Variants in C2orf42 observed in about 807,000 individuals in gnomAD.
C2orf42 encodes the protein chromosome 2 open reading frame 42.
C2orf42 carries 44 observed loss-of-function variants against 58.9 expected under a neutral mutation model. The observed-to-expected ratio is 0.75, with a 90% CI of 0.59 to 0.96. The LOEUF is 0.96. Among genes scored for constraint, C2orf42 ranks in the 40% least tolerant of loss-of-function variants. C2orf42 has a pLI of 0.00. For missense variants in C2orf42, 630 were observed against 699.2 expected (o/e 0.90, Z 1.12); for synonymous variants, 239 against 265.4 (o/e 0.90, Z 0.97).
chr2:70,173,742 A>C (rs1221735573), intron 5 of C2orf42, among the ~76,000 whole-genome samples: 1 of 151,854 alleles, frequency 6.6e-6, no homozygotes, highest in Non-Finnish European at 1.5e-5. Context: ...TCAGCCTCCT[A>C]AGTAGCTGAG....
At chr2:70,158,537 C>G (rs556485666) in intron 9 of C2orf42, among the ~76,000 whole-genome samples, 2 of 152,104 alleles carry the variant, frequency 1.3e-5, no homozygotes, top group African/African-American at 4.8e-5. Flanking sequence ...GCAACCTCCA[C>G]CTCCTGGGTT....
intron 1 of C2orf42, among the ~76,000 whole-genome samples, chr2:70,189,434 T>A (rs866038453): frequency 0.025 from 1,375 of 54,868 alleles, 21 homozygotes; most frequent in African/African-American, 0.069. Context: ...AAAAAAAAAA[T>A]GGGCCGGGCG....
Position 70,169,638 on chromosome 2 carries a change from C to T in C2orf42, c.1063G>A (p.Ala355Thr), listed in dbSNP as rs751500158. Reference protein sequence around the residue: ...RQACGQLLDEAQVTLSFQDWL... With the variant: ...RQACGQLLDETQVTLSFQDWL... Reference sequence around the variant, plus strand: ...TCTTGGAAGGATAAAGTCACTTGTGCCTCATCTAACAGCTGACCACAGGCT... The same window carrying T: ...TCTTGGAAGGATAAAGTCACTTGTGTCTCATCTAACAGCTGACCACAGGCT... Residue 355 changes from alanine (A) to threonine (T), a missense_variant, in exon 6 of 10, where the codon GCA becomes ACA. Transcript: ENST00000264434. The T allele has an allele frequency of 5.6e-6, 9 of 1,603,986 alleles. No homozygotes were observed. The highest frequency in any genetic ancestry group is 1.3e-5 in the African/African-American group (1 of 74,704).
At position 70,181,890 on chromosome 2, in the gene C2orf42, G is replaced by A. The variant is rs755823936; in HGVS notation, c.96C>T (p.Gly32=). Residue 32 remains glycine (G), a synonymous_variant, in exon 3 of 10, where the codon GGC becomes GGT. Coordinates refer to ENST00000264434, the MANE Select transcript of C2orf42 (RefSeq NM_017880.3). ...LRGIRKCPRC[G]TYNGTRGLSC... ...TCAGTCCCCGGGTTCCATTGTATGT[G>A]CCACATCGGGGACACTTTCTGATTC... The A allele has an allele frequency of 1.2e-6, 2 of 1,613,516 alleles. No homozygotes were observed. Among genetic ancestry groups the A allele is most frequent in the Non-Finnish European group, 8.5e-7 (1 of 1,179,514 alleles).
chr2:70,186,171 A>G (rs1674918847), intron 1 of C2orf42, among the ~76,000 whole-genome samples: 2 of 152,024 alleles, frequency 1.3e-5, no homozygotes, highest in African/African-American at 4.8e-5. Flanking sequence ...TTCTTAGAAT[A>G]TTGTTCCAAA....
intron 5 of C2orf42, among the ~76,000 whole-genome samples, chr2:70,171,618 C>G (rs1019586670): frequency 6.6e-6 from 1 of 152,012 alleles, no homozygotes; most frequent in African/African-American, 2.4e-5. Context: ...TCAGGCGATT[C>G]TCCTGCTTCA....
At chr2:70,164,525 G>A (rs900667479) in intron 8 of C2orf42, among the ~76,000 whole-genome samples, 2 of 151,874 alleles carry the variant, frequency 1.3e-5, no homozygotes, top group African/African-American at 2.4e-5. Context: ...CCAGCTAGCC[G>A]GGGGGCTGAG....
chr2:70,175,677 C>A lies in C2orf42; in HGVS notation c.1035G>T (p.Arg345Ser), dbSNP rs149626328. The change falls in exon 5 of 10, where the codon AGG becomes AGT. Residue 345 changes from arginine to serine, a missense_variant. By Grantham distance (110) the Arg-to-Ser change is moderately radical (BLOSUM62 -1). Coordinates refer to ENST00000264434, the MANE Select transcript of C2orf42 (RefSeq NM_017880.3). ...KKPVVASSLK[R>S]QACGQLLDEA... ...TTCTAGGGAAGGGAAACTTACCCTG[C>A]CTTTTTAACGAGGAAGCAACCACAG... The A allele has an allele frequency of 4.9e-5, 78 of 1,598,776 alleles. No homozygotes were observed. In the African/African-American group the frequency reaches 1.0e-3, roughly 21 times the overall value.
intron 5 of C2orf42, among the ~76,000 whole-genome samples, chr2:70,172,955 G>A (rs1673927658): frequency 6.6e-6 from 1 of 152,068 alleles, no homozygotes; most frequent in Non-Finnish European, 1.5e-5. Flanking sequence ...TTAAGGCCAG[G>A]AGTTCGAGAG....
At chr2:70,186,465 C>T (rs1674942419) in intron 1 of C2orf42, among the ~76,000 whole-genome samples, 1 of 152,064 alleles carries the variant, frequency 6.6e-6, no homozygotes, top group Non-Finnish European at 1.5e-5. Flanking sequence ...ACAACATGTG[C>T]TGGAGAGGAT....
At position 70,153,841 on chromosome 2, in the gene C2orf42, C is replaced by T. The variant is rs371564999; in HGVS notation, c.1517-3277G>A. ...TTGGGAGGCCGAGGCGGGTGGATCA[C>T]GAGGTCAGGAGTTCGAGACCAGCCT... On this transcript the variant is annotated intron_variant, in intron 9 of 9. Transcript: ENST00000264434. Among the ~76,000 whole-genome samples, 249 of 150,624 alleles carry T rather than the reference C, an allele frequency of 1.7e-3. 2 individuals carry two copies. Among genetic ancestry groups the T allele is most frequent in the African/African-American group, 5.8e-3 (240 of 41,166 alleles).
chr2:70,185,650 T>A (rs888990190), intron 1 of C2orf42, among the ~76,000 whole-genome samples: 1 of 151,612 alleles, frequency 6.6e-6, no homozygotes. Flanking sequence ...GGCAGAGAGG[T>A]TGCAGTGAGC....
At chr2:70,189,016 C>A (rs992258858) in intron 1 of C2orf42, among the ~76,000 whole-genome samples, 1 of 152,048 alleles carries the variant, frequency 6.6e-6, no homozygotes, top group Admixed American at 6.6e-5. Context: ...TAAGAAACAA[C>A]CTGATGTCCC....
chr2:70,167,731 A>T (rs1673499621), intron 6 of C2orf42, among the ~76,000 whole-genome samples: 1 of 151,602 alleles, frequency 6.6e-6, no homozygotes, highest in African/African-American at 2.4e-5. Context: ...ACAGAGCAAG[A>T]CTGTCTCAAA....
At chr2:70,163,525 G>A (rs1397504220) in intron 8 of C2orf42, among the ~76,000 whole-genome samples, 3 of 151,984 alleles carry the variant, frequency 2.0e-5, no homozygotes, top group African/African-American at 7.2e-5. Flanking sequence ...GATTACAGGC[G>A]TGAGCCACCG....
chr2:70,183,827 G>T (rs1386460226), intron 1 of C2orf42, among the ~76,000 whole-genome samples: 1 of 149,522 alleles, frequency 6.7e-6, no homozygotes, highest in Non-Finnish European at 1.5e-5. Flanking sequence ...AGTGCTTTAT[G>T]CATTTTTCTG....
intron 6 of C2orf42, among the ~76,000 whole-genome samples, chr2:70,166,821 A>T (rs1441829523): frequency 6.6e-6 from 1 of 152,086 alleles, no homozygotes; most frequent in Non-Finnish European, 1.5e-5. Context: ...GTAAGATGGG[A>T]TGAGAACAAT....
chr2:70,159,383 T>G, intron 9 of C2orf42, among the ~76,000 whole-genome samples: 1 of 150,634 alleles, frequency 6.6e-6, no homozygotes, highest in Non-Finnish European at 1.5e-5. Flanking sequence ...AGCTCAGGAG[T>G]TCGAGACCAG....
rs751804822 is a variant in C2orf42, at chr2:70,178,924, C to CA, written c.934+607dup. Among the ~76,000 whole-genome samples, 147 of 96,010 alleles carry CA rather than the reference C, an allele frequency of 1.5e-3. 1 individual carries two copies. Among genetic ancestry groups the CA allele is most frequent in the East Asian group, 2.3e-3 (8 of 3,412 alleles). 63.0% of individuals were successfully genotyped at this position (96,010 alleles called of 152,430 possible). ...TGGGCGACAGAGCAAGACTCCATCT[C>CA]AAAAAAAAAAAAAAGAAAAAAATGT... On this transcript the variant is annotated intron_variant, in intron 4 of 9. Coordinates refer to ENST00000264434, the MANE Select transcript of C2orf42 (RefSeq NM_017880.3).
Sources: allele counts gnomAD v4.1 joint callset (sites outside exome capture counted in the v4.1 genomes callset), GRCh38; gene constraint gnomAD v4.1.1; transcripts MANE v1.5; gene names NCBI Gene and HGNC (gene_info 2026-07-23, HGNC 2026-07-21).